PTPRT: variants seen among roughly 807,000 people sequenced by gnomAD.
PTPRT encodes the protein protein tyrosine phosphatase receptor type T.
PTPRT carries 56 observed loss-of-function variants against 176.8 expected under a neutral mutation model. The ratio of observed to expected loss-of-function variants is 0.32; its 90% CI spans 0.26 to 0.40. The LOEUF is 0.40. Ranked by LOEUF, PTPRT falls within the 10% of genes least tolerant of loss-of-function variation. PTPRT has a pLI of 1.00. For synonymous variants in PTPRT, 783 were observed against 739.0 expected, an observed-to-expected ratio of 1.06 and a Z score of -0.96; for missense variants, 1,540 against 1,908.2, an observed-to-expected ratio of 0.81 and a Z score of 3.60.
At chr20:42,429,037 G>T (rs2145794865) in intron 9 of PTPRT, among the ~76,000 whole-genome samples, 1 of 152,266 alleles carries the variant, frequency 6.6e-6, no homozygotes, top group East Asian at 1.9e-4. Flanking sequence ...TTTGGAAAAG[G>T]CACTGTGGCT....
chr20:42,806,306 A>C (rs2077607335), intron 2 of PTPRT, among the ~76,000 whole-genome samples: 1 of 152,110 alleles, frequency 6.6e-6, no homozygotes, highest in Non-Finnish European at 1.5e-5. Flanking sequence ...CAACGTGGTG[A>C]AACCCCATCT....
At position 42,885,892 on chromosome 20, in the gene PTPRT, A is replaced by G. The variant is rs778446955; in HGVS notation, c.129T>C (p.Tyr43=). The part of the protein sequence containing the change: ...SFDEHYSNCG[Y]SVALGTNGFT... ...ACCCATTGGTCCCTAGAGCCACACT[A>G]TAACCACAGTTGCTGTAGTGCTCAT... The change falls in exon 2 of 31, where the codon TAT becomes TAC. Residue 43 remains tyrosine (Y), a synonymous_variant. Coordinates refer to ENST00000373187, the MANE Select transcript of PTPRT (RefSeq NM_007050.6). 2.5e-6 allele frequency: 4 copies of G among 1,610,888 alleles called. No individual in the cohort carries two copies. Among genetic ancestry groups the G allele is most frequent in the African/African-American group, 1.3e-5 (1 of 74,912 alleles).
At chr20:42,387,517 TGTC>T (rs1390814442) in intron 9 of PTPRT, among the ~76,000 whole-genome samples, 1 of 152,194 alleles carries the variant, frequency 6.6e-6, no homozygotes, top group Non-Finnish European at 1.5e-5. Context: ...TTGTTGTTGT[TGTC>T]GTCGTCATTT....
At chr20:42,298,854 G>T (rs886319583) in intron 12 of PTPRT, among the ~76,000 whole-genome samples, 1 of 152,110 alleles carries the variant, frequency 6.6e-6, no homozygotes, top group Non-Finnish European at 1.5e-5. Flanking sequence ...CCAGGAGGGG[G>T]AGGTTGCAGT....
At chr20:43,145,491 A>G (rs991275084) in intron 1 of PTPRT, among the ~76,000 whole-genome samples, 4 of 152,258 alleles carry the variant, frequency 2.6e-5, no homozygotes, top group African/African-American at 9.6e-5. Flanking sequence ...GAAGAACTCA[A>G]GGATTTTTCT....
At chr20:42,167,262 G>A (rs760856315) in intron 16 of PTPRT, among the ~76,000 whole-genome samples, 5 of 151,970 alleles carry the variant, frequency 3.3e-5, no homozygotes, top group Non-Finnish European at 7.4e-5. Flanking sequence ...AGTCATTTAG[G>A]GCTTCTTTCG....
At chr20:42,527,395 T>C (rs1253044424) in intron 7 of PTPRT, among the ~76,000 whole-genome samples, 1 of 152,230 alleles carries the variant, frequency 6.6e-6, no homozygotes, top group East Asian at 1.9e-4. Flanking sequence ...TATGGTACAC[T>C]GTCAGTCTTG....
At chr20:43,041,263 C>T (rs1170925537) in intron 1 of PTPRT, among the ~76,000 whole-genome samples, 1 of 152,202 alleles carries the variant, frequency 6.6e-6, no homozygotes, top group Admixed American at 6.5e-5. Context: ...ACACACTGTG[C>T]TATAGTACTT....
At chr20:42,117,622 G>A (rs577163417) in intron 21 of PTPRT, among the ~76,000 whole-genome samples, 1 of 152,118 alleles carries the variant, frequency 6.6e-6, no homozygotes, top group Non-Finnish European at 1.5e-5. Context: ...GATGAGAAGA[G>A]AGAAGTGGAG....
At chr20:42,178,484 T>G (rs1990384670) in intron 16 of PTPRT, among the ~76,000 whole-genome samples, 1 of 152,194 alleles carries the variant, frequency 6.6e-6, no homozygotes, top group South Asian at 2.1e-4. Context: ...GCTCTACTAC[T>G]TATTAGTCAA....
chr20:43,142,397 C>G (rs189052298), intron 1 of PTPRT, among the ~76,000 whole-genome samples: 209 of 152,326 alleles, frequency 1.4e-3, no homozygotes, highest in African/African-American at 4.9e-3. Flanking sequence ...TCTCTGTACC[C>G]TCTGTGGAAG....
intron 2 of PTPRT, among the ~76,000 whole-genome samples, chr20:42,824,561 G>A (rs2077959593): frequency 6.6e-6 from 1 of 151,824 alleles, no homozygotes; most frequent in Non-Finnish European, 1.5e-5. Flanking sequence ...ATTAACTATA[G>A]TATTTGAAAA....
At chr20:42,555,697 A>C (rs6016827) in intron 7 of PTPRT, among the ~76,000 whole-genome samples, 86,495 of 151,984 alleles carry the variant, frequency 0.57, 25,352 homozygotes, top group African/African-American at 0.71. Context: ...TTGTTTTGAC[A>C]AATGGAATAT....
chr20:42,547,785 T>C (rs2072701594), intron 7 of PTPRT, among the ~76,000 whole-genome samples: 1 of 152,042 alleles, frequency 6.6e-6, no homozygotes, highest in African/African-American at 2.4e-5. Context: ...AAGGAAGACA[T>C]ATAATTGTCA....
At chr20:42,115,667 C>T (rs1987237920) in intron 21 of PTPRT, among the ~76,000 whole-genome samples, 1 of 152,196 alleles carries the variant, frequency 6.6e-6, no homozygotes. Flanking sequence ...TACTGAAGTT[C>T]AGAGGTTTGG....
intron 8 of PTPRT, among the ~76,000 whole-genome samples, chr20:42,459,056 G>A (rs1568898209): frequency 6.6e-6 from 1 of 152,132 alleles, no homozygotes; most frequent in African/African-American, 2.4e-5. Context: ...GAGACTTCCA[G>A]TTTTTAATAG....
At chr20:42,229,510 A>C (rs1456893348) in intron 15 of PTPRT, among the ~76,000 whole-genome samples, 1 of 152,230 alleles carries the variant, frequency 6.6e-6, no homozygotes, top group Non-Finnish European at 1.5e-5. Flanking sequence ...CTCTTGATGG[A>C]ATCATTTTAA....
At chr20:42,865,408 G>T (rs2145805930) in intron 2 of PTPRT, among the ~76,000 whole-genome samples, 1 of 152,246 alleles carries the variant, frequency 6.6e-6, no homozygotes, top group African/African-American at 2.4e-5. Flanking sequence ...TTTCCAAATA[G>T]CTGAACACTT....
intron 1 of PTPRT, among the ~76,000 whole-genome samples, chr20:43,188,045 C>T (rs2015439889): frequency 6.6e-6 from 1 of 152,132 alleles, no homozygotes; most frequent in Admixed American, 6.5e-5. Flanking sequence ...TATTTTTGAT[C>T]CTGTTTCTGC....
Sources: gnomAD v4.1 joint callset for allele counts (sites outside exome capture counted in the v4.1 genomes callset) on GRCh38, gnomAD v4.1.1 for gene constraint, MANE v1.5 for transcripts, NCBI Gene and HGNC (gene_info 2026-07-23, HGNC 2026-07-21) for gene names.